The following RBFOX1 variants were observed in gnomAD, a reference collection of about 807,000 sequenced individuals.
The protein encoded by RBFOX1 is RNA binding fox-1 homolog 1.
A neutral mutation model predicts 57.7 loss-of-function variants in RBFOX1; 8 were observed. That is an observed-to-expected ratio of 0.14 (90% CI 0.08 to 0.25). RBFOX1 has a LOEUF of 0.25. Ranked by LOEUF, RBFOX1 falls within the 10% of genes least tolerant of loss-of-function variation. RBFOX1 has a pLI of 1.00. For missense variants in RBFOX1, 611 were observed against 548.5 expected (o/e 1.11, Z -1.14); for synonymous variants, 326 against 222.4 (o/e 1.47, Z -4.15).
At chr16:7,368,196 G>T (rs1218496434) in intron 4 of RBFOX1, among the ~76,000 whole-genome samples, 1 of 151,448 alleles carries the variant, frequency 6.6e-6, no homozygotes, top group Admixed American at 6.6e-5. Flanking sequence ...GAACCCGGGA[G>T]GTGGAGGTTG....
intron 4 of RBFOX1, among the ~76,000 whole-genome samples, chr16:7,257,615 A>G (rs1357805872): frequency 6.6e-6 from 1 of 152,088 alleles, no homozygotes; most frequent in Non-Finnish European, 1.5e-5. Flanking sequence ...CCCCTTCCCG[A>G]GAACTGCTCT....
At chr16:5,811,493 C>A (rs562163644) in intron 3 of RBFOX1, among the ~76,000 whole-genome samples, 1 of 148,784 alleles carries the variant, frequency 6.7e-6, no homozygotes, top group East Asian at 2.0e-4. Context: ...ATTCTGTCAC[C>A]AGGCTGGAGT....
intron 3 of RBFOX1, among the ~76,000 whole-genome samples, chr16:6,672,547 G>C (rs1340173211): frequency 7.1e-6 from 1 of 141,544 alleles, no homozygotes; most frequent in Non-Finnish European, 1.5e-5. Flanking sequence ...ACAGGAGAAA[G>C]AAAAGAAAAG....
chr16:7,584,900 T>G (rs916404612), intron 6 of RBFOX1, among the ~76,000 whole-genome samples: 22 of 152,260 alleles, frequency 1.4e-4, no homozygotes, highest in African/African-American at 5.3e-4. Context: ...GAAGCAAACT[T>G]TGAGACCACT....
At chr16:6,554,781 G>GAC (rs375659338) in intron 2 of RBFOX1, among the ~76,000 whole-genome samples, 1 of 145,264 alleles carries the variant, frequency 6.9e-6, no homozygotes, top group East Asian at 2.2e-4. Context: ...AAGGTACACA[G>GAC]ACACACACAC....
At chr16:6,022,351 C>G (rs2095098626) in intron 1 of RBFOX1, among the ~76,000 whole-genome samples, 1 of 151,928 alleles carries the variant, frequency 6.6e-6, no homozygotes, top group Admixed American at 6.6e-5. Context: ...TATCATTCCT[C>G]CTGGGATTCA....
At chr16:6,633,877 G>A (rs72762960) in intron 2 of RBFOX1, among the ~76,000 whole-genome samples, 3,286 of 152,198 alleles carry the variant, frequency 0.022, 61 homozygotes, top group Non-Finnish European at 0.034. Context: ...CATGCATGGT[G>A]GTGCATGCCT....
chr16:5,256,481 G>T (rs905382829), intron 1 of RBFOX1, among the ~76,000 whole-genome samples: 1 of 152,198 alleles, frequency 6.6e-6, no homozygotes, highest in Non-Finnish European at 1.5e-5. Flanking sequence ...AACCACATCT[G>T]CTTCTCTCCC....
intron 4 of RBFOX1, among the ~76,000 whole-genome samples, chr16:7,078,019 C>G (rs551738382): frequency 1.1e-3 from 174 of 152,284 alleles, no homozygotes; most frequent in Non-Finnish European, 2.0e-3. Flanking sequence ...AGCATTACCT[C>G]CATCACTGCT....
intron 4 of RBFOX1, among the ~76,000 whole-genome samples, chr16:5,968,310 C>A (rs1380331493): frequency 6.6e-6 from 1 of 151,980 alleles, no homozygotes; most frequent in Non-Finnish European, 1.5e-5. Context: ...CCTGACATCA[C>A]ATGATCCCCC....
At chr16:7,135,766 C>T (rs895534201) in intron 4 of RBFOX1, among the ~76,000 whole-genome samples, 1 of 152,204 alleles carries the variant, frequency 6.6e-6, no homozygotes, top group Non-Finnish European at 1.5e-5. Context: ...TAACATTTTT[C>T]AATTAACCAC....
intron 2 of RBFOX1, among the ~76,000 whole-genome samples, chr16:6,341,763 C>G (rs1365989759): frequency 2.0e-5 from 3 of 152,014 alleles, no homozygotes; most frequent in African/African-American, 7.3e-5. Context: ...CACCACTTTA[C>G]TTTCTAAATA....
At chr16:6,252,645 A>G (rs928849373) in intron 1 of RBFOX1, among the ~76,000 whole-genome samples, 8 of 139,764 alleles carry the variant, frequency 5.7e-5, no homozygotes, top group Non-Finnish European at 1.3e-4. Context: ...GTTTTTGGTA[A>G]ACTTCCATTC....
chr16:6,819,853 C>G (rs1603628701), intron 3 of RBFOX1, among the ~76,000 whole-genome samples: 1 of 152,138 alleles, frequency 6.6e-6, no homozygotes, highest in South Asian at 2.1e-4. Flanking sequence ...CCCTCTGATT[C>G]CAGTGTAACC....
At chr16:6,454,817 G>A (rs1027038074) in intron 2 of RBFOX1, among the ~76,000 whole-genome samples, 14 of 145,624 alleles carry the variant, frequency 9.6e-5, no homozygotes, top group Admixed American at 6.3e-4. Flanking sequence ...TCCATGTTCC[G>A]TCCCCTATTA....
chr16:6,892,046 C>A (rs147414013), intron 3 of RBFOX1, among the ~76,000 whole-genome samples: 1 of 152,248 alleles, frequency 6.6e-6, no homozygotes, highest in East Asian at 1.9e-4. Context: ...CTGTTGTAGT[C>A]GTGTGAAGTT....
chr16:7,420,533 C>G (rs1477555394), intron 4 of RBFOX1, among the ~76,000 whole-genome samples: 1 of 152,036 alleles, frequency 6.6e-6, no homozygotes, highest in Non-Finnish European at 1.5e-5. Context: ...TCAACCAGGC[C>G]TTTTCTGCAA....
At chr16:5,911,299 T>C (rs1341640176) in intron 4 of RBFOX1, among the ~76,000 whole-genome samples, 1 of 152,164 alleles carries the variant, frequency 6.6e-6, no homozygotes, top group African/African-American at 2.4e-5. Flanking sequence ...CCACACTTAT[T>C]ACTGATGGGA....
At chr16:5,540,733 C>A (rs1422584598) in intron 2 of RBFOX1, among the ~76,000 whole-genome samples, 3 of 152,204 alleles carry the variant, frequency 2.0e-5, no homozygotes, top group African/African-American at 4.8e-5. Flanking sequence ...CTAGTCTTTG[C>A]TGCTAAAAGT....
Sources: gnomAD v4.1 joint callset for allele counts (sites outside exome capture counted in the v4.1 genomes callset) on GRCh38, gnomAD v4.1.1 for gene constraint, MANE v1.5 for transcripts, NCBI Gene and HGNC (gene_info 2026-07-23, HGNC 2026-07-21) for gene names.